PTBP1: variants seen among roughly 807,000 people sequenced by gnomAD.
The protein encoded by PTBP1 is polypyrimidine tract-binding protein 1.
PTBP1 carries 8 observed loss-of-function variants against 59.8 expected under a neutral mutation model. The observed-to-expected ratio is 0.13, with a 90% CI of 0.08 to 0.24. The LOEUF (loss-of-function observed/expected upper bound fraction) is 0.24. PTBP1 is among the 10% of genes least tolerant of loss of function. The pLI is 1.00. For synonymous variants in PTBP1, 490 were observed against 320.7 expected (o/e 1.53, Z -5.64); for missense variants, 686 against 767.0 (o/e 0.89, Z 1.25).
intron 2 of PTBP1, among the ~76,000 whole-genome samples, chr19:799,878 T>TA (rs1255545481): frequency 6.6e-6 from 1 of 152,180 alleles, no homozygotes; most frequent in Non-Finnish European, 1.5e-5. Context: ...TTTGAGTGGC[T>TA]AGGATGGGCA....
At chr19:800,085 C>CA in intron 2 of PTBP1, among the ~76,000 whole-genome samples, 1 of 144,540 alleles carries the variant, frequency 6.9e-6, no homozygotes, top group Non-Finnish European at 1.5e-5. Flanking sequence ...CACCACCATG[C>CA]CCAGCTAATT....
rs3170451 is a variant in PTBP1, at chr19:804,642, C to G, written c.546C>G (p.Pro182=). ...DAGMAMAGQS[P]VLRIIVENLF... ...GGATGGCGATGGCCGGGCAGAGCCC[C>G]GTGCTCAGGATCATCGTGGAGAACC... Residue 182 remains proline (P), a synonymous_variant, in exon 6 of 15, where the codon CCC becomes CCG. Coordinates refer to ENST00000356948, the MANE Select transcript of PTBP1 (RefSeq NM_002819.5). The G allele has an allele frequency of 1.2e-6, 2 of 1,612,888 alleles. No homozygotes were observed. The highest frequency in any genetic ancestry group is 1.3e-5 in the African/African-American group (1 of 75,034).
rs761061400 is a variant in PTBP1 at position 808,770 on chromosome 19, CTGGGCCGGGGGGCTCAT to C, written c.1463+9_1463+25del. On this transcript the variant is annotated intron_variant, in intron 13 of 14. Coordinates refer to ENST00000356948, the MANE Select transcript of PTBP1 (RefSeq NM_002819.5). This position sits in a 1 kb window ranked among gnomAD's most constrained non-coding sequence, Gnocchi z 4.7. ...GCACCTCTCCAACATCCCGTGAGTG[CTGGGCCGGGGGGCTCAT>C]GGGGCCGGGGGCGGGCAAGGGCTCT... 3.1e-6 allele frequency: 5 copies of C among 1,607,362 alleles called. No homozygotes were observed. The highest frequency in any genetic ancestry group is 3.4e-6 in the Non-Finnish European group (4 of 1,177,248).
At chr19:798,219 C>A (rs1226719545) in intron 1 of PTBP1, among the ~76,000 whole-genome samples, 1 of 152,036 alleles carries the variant, frequency 6.6e-6, no homozygotes, top group African/African-American at 2.4e-5. Flanking sequence ...GGGACCCCCG[C>A]GGGCGCCGTC....
At chr19:807,674 CAA>C (rs1255509382) in intron 10 of PTBP1, 193 bp from the exon 11 acceptor site, 5 of 507,222 alleles carry the variant, frequency 9.9e-6, no homozygotes, top group South Asian at 3.2e-5. Context: ...AAATAAAAAA[CAA>C]AAATTCCCCC....
At position 810,864 on chromosome 19, in the gene PTBP1, CT is replaced by C; in HGVS notation, c.*40del. On this transcript the variant is annotated 3_prime_UTR_variant, in exon 15 of 15. Transcript: ENST00000356948. ...CCACGGCCGGGCCCCCTGGCGACAA[CT>C]TCCATCATTCCAGAGAAAAGCCACT... The C allele has an allele frequency of 6.7e-7, 1 of 1,496,946 alleles. No homozygotes were observed. The highest frequency in any genetic ancestry group is 8.8e-7 in the Non-Finnish European group (1 of 1,130,486). The allele number at this position is 1,496,946 out of a possible 1,614,324, so 92.7% of individuals were successfully genotyped here.
chr19:803,055 A>G (rs2034405994), intron 2 of PTBP1, among the ~76,000 whole-genome samples: 1 of 152,122 alleles, frequency 6.6e-6, no homozygotes, highest in African/African-American at 2.4e-5. Flanking sequence ...GGCTCCTGCG[A>G]GAGTGAGGGA....
At chr19:799,750 A>AC (rs2034248995) in intron 2 of PTBP1, among the ~76,000 whole-genome samples, 1 of 152,044 alleles carries the variant, frequency 6.6e-6, no homozygotes, top group Non-Finnish European at 1.5e-5. Flanking sequence ...CTGCCTCTAG[A>AC]GGCTGGAATC....
intron 13 of PTBP1, among the ~76,000 whole-genome samples, chr19:809,259 G>A (rs552000736): frequency 6.6e-6 from 1 of 152,006 alleles, no homozygotes; most frequent in Non-Finnish European, 1.5e-5. Context: ...CGCCTGCTTC[G>A]GCCTCCCAAA....
chr19:807,520 C>G (rs1457940279), intron 10 of PTBP1: 4 of 331,716 alleles, frequency 1.2e-5, no homozygotes, highest in Admixed American at 4.8e-5. Flanking sequence ...ATTTACTGAC[C>G]TGTGTTTTTT....
chr19:801,094 C>A (rs981416816), intron 2 of PTBP1, among the ~76,000 whole-genome samples: 1 of 151,672 alleles, frequency 6.6e-6, no homozygotes, highest in Non-Finnish European at 1.5e-5. Context: ...CAGGACAGAG[C>A]AAGCTCTTGT....
At chr19:803,053 C>T (rs769518107) in intron 2 of PTBP1, among the ~76,000 whole-genome samples, 9 of 152,128 alleles carry the variant, frequency 5.9e-5, no homozygotes, top group African/African-American at 9.7e-5. Flanking sequence ...GGGGCTCCTG[C>T]GAGAGTGAGG....
In PTBP1 at chr19:797,521, C is replaced by T. The variant is rs1456368856; in HGVS notation, c.8+16C>T. The T allele has an allele frequency of 1.3e-6, 2 of 1,510,056 alleles. No homozygotes were observed. The highest frequency in any genetic ancestry group is 1.8e-6 in the Non-Finnish European group (2 of 1,135,118). The allele number at this position is 1,510,056 out of a possible 1,614,324, so 93.5% of individuals were successfully genotyped here. ...CCATGGACGGGTGAGTCGCACGTCG[C>T]CCCGCGCCCCACCGCCCTCCCCGCG... On this transcript the variant is annotated intron_variant, in intron 1 of 14. Transcript: ENST00000356948.
chr19:807,969 CG>C, intron 11 of PTBP1, 67 bp downstream of exon 11: 3 of 1,436,636 alleles, frequency 2.1e-6, no homozygotes, highest in Non-Finnish European at 2.9e-6. Context: ...TGCCCTGAGA[CG>C]TATTATGAGT....
chr19:806,609 G>T (rs1007583793), intron 10 of PTBP1, 53 bp downstream of exon 10: 4 of 1,442,872 alleles, frequency 2.8e-6, no homozygotes, highest in Middle Eastern at 1.8e-4. Context: ...GCGAGCAGGG[G>T]ATGTTGTGCT....
intron 10 of PTBP1, chr19:806,843 C>T (rs578084936): frequency 9.8e-5 from 30 of 307,554 alleles, no homozygotes; most frequent in Admixed American, 1.0e-4. Context: ...CTGAGCAGGG[C>T]GCGCAGTTCA....
intron 2 of PTBP1, among the ~76,000 whole-genome samples, chr19:802,811 T>C (rs1215076598): frequency 2.0e-5 from 3 of 152,216 alleles, no homozygotes; most frequent in Non-Finnish European, 4.4e-5. Flanking sequence ...ATCAGTCTAG[T>C]GCAATTCTTA....
chr19:805,307 A>C, intron 8 of PTBP1, 120 bp downstream of exon 8: 1 of 1,282,054 alleles, frequency 7.8e-7, no homozygotes, highest in South Asian at 1.3e-5. Flanking sequence ...TGCTCTCTGC[A>C]CGGCCAGCAC....
In PTBP1 at chr19:811,396, G is replaced by T. The variant is rs902910302; in HGVS notation, c.*570G>T. The stretch of plus-strand genomic sequence containing the variant: ...CCTTCTGCCCCCAGGCGGGCTCCCC[G>T]CTGCTCCAGCTGCGGAGCTGGTCGA... On this transcript the variant is annotated 3_prime_UTR_variant, in exon 15 of 15. Coordinates refer to ENST00000356948, the MANE Select transcript of PTBP1 (RefSeq NM_002819.5). 9 of 152,596 alleles carry T rather than the reference G, an allele frequency of 5.9e-5. No individual in the cohort carries two copies. The East Asian group carries it at 1.7e-3, about 29-fold the overall frequency. 9.5% of individuals were successfully genotyped at this position (152,596 alleles called of 1,614,324 possible). A position where few individuals can be genotyped will look rare whatever the true frequency, so the allele number is the denominator to read the frequency against.
Sources: allele counts gnomAD v4.1 joint callset (sites outside exome capture counted in the v4.1 genomes callset), GRCh38; gene constraint gnomAD v4.1.1; non-coding constraint Gnocchi (gnomAD v3.1); transcripts MANE v1.5; gene names NCBI Gene and HGNC (gene_info 2026-07-23, HGNC 2026-07-21).